Variants in HPSE2 observed in about 807,000 individuals in gnomAD.
The protein encoded by HPSE2 is inactive heparanase-2.
HPSE2 carries 38 observed loss-of-function variants against 60.5 expected under a neutral mutation model. The ratio of observed to expected loss-of-function variants is 0.63; its 90% confidence interval spans 0.48 to 0.82. HPSE2 has a LOEUF of 0.82. Ranked by LOEUF, HPSE2 falls within the 40% of genes least tolerant of loss-of-function variation. The pLI, the probability that HPSE2 is intolerant of heterozygous loss-of-function variation, is 0.00. For synonymous variants in HPSE2, 295 were observed against 293.2 expected, an observed-to-expected ratio of 1.01 and a Z score of -0.06; for missense variants, 713 against 740.4, an observed-to-expected ratio of 0.96 and a Z score of 0.43.
At chr10:99,291,612 A>G in the HPSE2 span, among the ~76,000 whole-genome samples, 1 of 150,474 alleles carries the variant, frequency 6.6e-6, no homozygotes, top group Non-Finnish European at 1.5e-5. Flanking sequence ...GAATCACCAT[A>G]TGTTAGTGCC....
intron 9 of HPSE2, among the ~76,000 whole-genome samples, chr10:98,607,219 C>T (rs902368510): frequency 6.6e-6 from 1 of 152,074 alleles, no homozygotes; most frequent in African/African-American, 2.4e-5. Context: ...TCCTCGCTGT[C>T]TGCACGTTGC....
At position 98,932,792 on chromosome 10, in the gene HPSE2, T is replaced by G. The variant is rs565812023; in HGVS notation, c.611-188736A>C. Among the ~76,000 whole-genome samples, 27 of 143,646 alleles carry G rather than the reference T, an allele frequency of 1.9e-4. 1 individual carries two copies. The highest frequency in any genetic ancestry group is 2.8e-4 in the Non-Finnish European group (19 of 67,030). 94.2% of individuals were successfully genotyped at this position (143,646 alleles called of 152,430 possible). On this transcript the variant is annotated intron_variant, in intron 3 of 11. Transcript: ENST00000370552. ...GGTGTTTATAGTATTCTCTGATGGT[T>G]GTTTGTATTTCTCTAGGGTCAGTGA...
intron 3 of HPSE2, among the ~76,000 whole-genome samples, chr10:98,960,711 TTTTTTTTTTGTTTTA>T (rs1955639659): frequency 5.4e-5 from 3 of 55,868 alleles, no homozygotes; most frequent in Non-Finnish European, 7.2e-5. Context: ...CTTTTTTTTT[TTTTTTTTTTGTTTTA>T]TTTTTTTTAT....
At position 99,010,130 on chromosome 10, in the gene HPSE2, A is replaced by T. The variant is rs565504319; in HGVS notation, c.610+134108T>A. ...TAAAACTCAGTGAGATTCTTTAAGG[A>T]ATGAGATGATTTACTGTGCTTAAAG... is the stretch of plus-strand genomic sequence containing the variant. On this transcript the variant is annotated intron_variant, in intron 3 of 11. Coordinates refer to ENST00000370552, the MANE Select transcript of HPSE2 (RefSeq NM_021828.5). Among the ~76,000 whole-genome samples, 13 of 152,366 alleles carry T rather than the reference A, an allele frequency of 8.5e-5. No individual in the cohort carries two copies. In the South Asian group the frequency reaches 1.9e-3, roughly 22 times the overall value.
chr10:98,863,449 T>C lies in HPSE2; in HGVS notation c.611-119393A>G, dbSNP rs913156630. Among the ~76,000 whole-genome samples the C allele has an allele frequency of 1.4e-4, 21 of 152,242 alleles. 1 individual carries two copies. The highest frequency in any genetic ancestry group is 1.4e-3 in the Admixed American group (21 of 15,292). ...ATATCTTGATAGATAGATAAAAAGA[T>C]AGAAAACTTGTCCTGTGAACTACCC... is the stretch of plus-strand genomic sequence containing the variant. On this transcript the variant is annotated intron_variant, in intron 3 of 11. Coordinates refer to ENST00000370552, the MANE Select transcript of HPSE2 (RefSeq NM_021828.5).
At chr10:98,714,953 C>T (rs575946470) in intron 5 of HPSE2, among the ~76,000 whole-genome samples, 2 of 151,986 alleles carry the variant, frequency 1.3e-5, no homozygotes, top group Non-Finnish European at 2.9e-5. Flanking sequence ...AGTATCTATT[C>T]ACGTGCTTAT....
intron 3 of HPSE2, among the ~76,000 whole-genome samples, chr10:98,985,151 A>G (rs1478337660): frequency 1.6e-4 from 25 of 152,162 alleles, no homozygotes; most frequent in Admixed American, 1.6e-3. Context: ...CGCCACAAAG[A>G]TACTCCTCGA....
chr10:98,464,995 T>C (rs1403737781), intron 11 of HPSE2, among the ~76,000 whole-genome samples: 1 of 152,228 alleles, frequency 6.6e-6, no homozygotes, highest in African/African-American at 2.4e-5. Context: ...TAAGTTAATT[T>C]TGTGAATAAG....
intron 3 of HPSE2, among the ~76,000 whole-genome samples, chr10:99,086,594 C>A (rs914948523): frequency 6.6e-6 from 1 of 151,646 alleles, no homozygotes; most frequent in African/African-American, 2.4e-5. Flanking sequence ...CCTCGTGATC[C>A]GCCCGCCTCG....
At chr10:98,923,927 T>C (rs1229302695) in intron 3 of HPSE2, among the ~76,000 whole-genome samples, 1 of 152,132 alleles carries the variant, frequency 6.6e-6, no homozygotes, top group African/African-American at 2.4e-5. Flanking sequence ...GTTCATTTGG[T>C]GAAGTAATGT....
At chr10:99,249,722 C>A in the HPSE2 span, among the ~76,000 whole-genome samples, 1 of 152,128 alleles carries the variant, frequency 6.6e-6, no homozygotes, top group Non-Finnish European at 1.5e-5. Context: ...CTGCCCAAAT[C>A]TCAATTTGAA....
chr10:99,087,237 T>C (rs527795876), intron 3 of HPSE2, among the ~76,000 whole-genome samples: 28 of 152,346 alleles, frequency 1.8e-4, no homozygotes, highest in Admixed American at 6.5e-4. Context: ...GCGGGGCCCA[T>C]ATTTTGCATC....
chr10:99,073,941 T>G (rs1842878991), intron 3 of HPSE2, among the ~76,000 whole-genome samples: 1 of 142,612 alleles, frequency 7.0e-6, no homozygotes, highest in African/African-American at 2.8e-5. Context: ...TTCCAAAAGT[T>G]TTTTTTTTTT....
intron 9 of HPSE2, among the ~76,000 whole-genome samples, chr10:98,517,640 A>G (rs1942646373): frequency 6.6e-6 from 1 of 152,232 alleles, no homozygotes; most frequent in South Asian, 2.1e-4. Flanking sequence ...AAGGTTTCCA[A>G]GCATGGAATC....
At chr10:99,106,339 C>T (rs1217336495) in intron 3 of HPSE2, among the ~76,000 whole-genome samples, 1 of 151,926 alleles carries the variant, frequency 6.6e-6, no homozygotes, top group East Asian at 1.9e-4. Context: ...TTGGTAGATG[C>T]CCTTTATCAG....
At position 98,619,688 on chromosome 10, in the gene HPSE2, T is replaced by C. The variant is rs1317628926; in HGVS notation, c.1205+914A>G. 2.6e-5 allele frequency among the ~76,000 whole-genome samples: 4 copies of C among 152,272 alleles called. No homozygotes were observed. The South Asian group carries it at 6.2e-4, about 24-fold the overall frequency. On this transcript the variant is annotated intron_variant, in intron 8 of 11. Transcript: ENST00000370552. ...ATTCTCTGCTCCTCTGTGCCTTTGC[T>C]CATAATGTCCCTTGGGCCTAGAAGG... is the stretch of plus-strand genomic sequence containing the variant.
At chr10:99,247,174 A>G in the HPSE2 span, among the ~76,000 whole-genome samples, 1 of 152,230 alleles carries the variant, frequency 6.6e-6, no homozygotes, top group East Asian at 1.9e-4. Flanking sequence ...AATGCTATAC[A>G]GTTAAGACTC....
chr10:98,467,650 A>C (rs1018116667), intron 11 of HPSE2, among the ~76,000 whole-genome samples: 17 of 152,126 alleles, frequency 1.1e-4, no homozygotes, highest in African/African-American at 3.9e-4. Flanking sequence ...TGGTGCCAGG[A>C]CAGTCTGACT....
At chr10:98,904,208 AAAAT>A (rs1953746124) in intron 3 of HPSE2, among the ~76,000 whole-genome samples, 1 of 152,158 alleles carries the variant, frequency 6.6e-6, no homozygotes, top group South Asian at 2.1e-4. Context: ...AAATCTGAGA[AAAAT>A]AATTAATACA....
Sources: gnomAD v4.1 joint callset for allele counts (sites outside exome capture counted in the v4.1 genomes callset) on GRCh38, gnomAD v4.1.1 for gene constraint, MANE v1.5 for transcripts, NCBI Gene and HGNC (gene_info 2026-07-23, HGNC 2026-07-21) for gene names.